Variants in ATG5 observed in about 807,000 individuals in gnomAD.
The protein encoded by ATG5 is autophagy related 5.
A neutral mutation model predicts 36.5 loss-of-function variants in ATG5; 14 were observed. That is an observed-to-expected ratio of 0.38 (90% CI 0.25 to 0.60). The LOEUF is 0.60. ATG5 is among the 20% of genes least tolerant of loss of function. ATG5 has a pLI of 0.60. For synonymous variants in ATG5, 95 were observed against 101.5 expected, an observed-to-expected ratio of 0.94 and a Z score of 0.38; for missense variants, 195 against 326.7, an observed-to-expected ratio of 0.60 and a Z score of 3.11.
chr6:106,277,839 TA>T (rs1198493111), intron 5 of ATG5, among the ~76,000 whole-genome samples: 2 of 152,138 alleles, frequency 1.3e-5, no homozygotes, highest in African/African-American at 4.8e-5. Flanking sequence ...AACACCACAA[TA>T]AATGTATACT....
In ATG5 at chr6:106,237,336, A is replaced by G. The variant is rs3827645; in HGVS notation, c.573+10814T>C. On this transcript the variant is annotated intron_variant, in intron 6 of 7. Transcript: ENST00000369076. ...TCATTAACTGAACCAAACTATGCCC[A>G]TGAAAGATCTCATATGCAACTGCTA... 1.2e-3 allele frequency among the ~76,000 whole-genome samples: 181 copies of G among 152,332 alleles called. 3 individuals carry two copies. In the East Asian group the frequency reaches 0.031, roughly 26 times the overall value.
At chr6:106,246,630 T>C (rs1233817486) in intron 6 of ATG5, among the ~76,000 whole-genome samples, 1 of 152,186 alleles carries the variant, frequency 6.6e-6, no homozygotes, top group African/African-American at 2.4e-5. Flanking sequence ...TTTAAAGAAG[T>C]TACAGTAAAG....
At chr6:106,188,227 G>A (rs73520696) in intron 7 of ATG5, among the ~76,000 whole-genome samples, 1,979 of 152,228 alleles carry the variant, frequency 0.013, 42 homozygotes, top group African/African-American at 0.043. Context: ...ATGATTCATT[G>A]CTTATAAGTT....
chr6:106,257,456 G>A (rs894083848), intron 5 of ATG5, among the ~76,000 whole-genome samples: 1 of 152,126 alleles, frequency 6.6e-6, no homozygotes, highest in African/African-American at 2.4e-5. Context: ...AGGGCTATCA[G>A]GTTACTAGGC....
At chr6:106,194,987 C>T (rs915474542) in intron 7 of ATG5, among the ~76,000 whole-genome samples, 6 of 152,240 alleles carry the variant, frequency 3.9e-5, no homozygotes, top group African/African-American at 9.6e-5. Flanking sequence ...ACAGCTGAAA[C>T]GACAAAAACA....
At chr6:106,241,791 T>C (rs1266625638) in intron 6 of ATG5, among the ~76,000 whole-genome samples, 1 of 152,176 alleles carries the variant, frequency 6.6e-6, no homozygotes, top group Non-Finnish European at 1.5e-5. Context: ...CAACTCTTCC[T>C]TGAGTCAACA....
chr6:106,201,558 G>A (rs989536703), intron 7 of ATG5, among the ~76,000 whole-genome samples: 47 of 151,960 alleles, frequency 3.1e-4, no homozygotes, highest in African/African-American at 1.1e-3. Flanking sequence ...GAAAGTAGTA[G>A]AAAATTCAAA....
At chr6:106,282,819 C>T (rs1028977798) in intron 4 of ATG5, among the ~76,000 whole-genome samples, 2 of 152,114 alleles carry the variant, frequency 1.3e-5, no homozygotes, top group African/African-American at 4.8e-5. Flanking sequence ...GAGGGTCTCA[C>T]TGTGCCACCC....
chr6:106,258,283 T>C (rs1294631822), intron 5 of ATG5, among the ~76,000 whole-genome samples: 1 of 151,768 alleles, frequency 6.6e-6, no homozygotes, highest in Non-Finnish European at 1.5e-5. Flanking sequence ...ATGGGAAGAC[T>C]GATTGCCTGA....
intron 5 of ATG5, among the ~76,000 whole-genome samples, chr6:106,264,221 G>T (rs1025222666): frequency 3.9e-5 from 6 of 152,022 alleles, no homozygotes; most frequent in African/African-American, 1.5e-4. Flanking sequence ...TAGCCAAACT[G>T]ATCAAGTGGA....
intron 4 of ATG5, among the ~76,000 whole-genome samples, chr6:106,287,305 C>T (rs1313192567): frequency 1.3e-5 from 2 of 152,186 alleles, no homozygotes; most frequent in Non-Finnish European, 2.9e-5. Context: ...GAAGCTTGCT[C>T]AGTCACACAA....
chr6:106,255,121 C>T (rs1040501055), intron 5 of ATG5, among the ~76,000 whole-genome samples: 6 of 152,202 alleles, frequency 3.9e-5, no homozygotes, highest in Non-Finnish European at 7.3e-5. Flanking sequence ...TATCATGTAA[C>T]GGTGGGAATA....
intron 3 of ATG5, among the ~76,000 whole-genome samples, chr6:106,302,635 GA>G (rs1770264775): frequency 6.6e-6 from 1 of 151,984 alleles, no homozygotes; most frequent in African/African-American, 2.4e-5. Flanking sequence ...GATGATGAGG[GA>G]ATCAAGAGTG....
intron 7 of ATG5, among the ~76,000 whole-genome samples, chr6:106,189,348 T>C (rs1198222069): frequency 1.3e-5 from 2 of 152,172 alleles, no homozygotes; most frequent in African/African-American, 4.8e-5. Flanking sequence ...CTCATGTCTG[T>C]AATCCCAGCA....
At chr6:106,285,349 G>C (rs1234308245) in intron 4 of ATG5, among the ~76,000 whole-genome samples, 1 of 152,042 alleles carries the variant, frequency 6.6e-6, no homozygotes, top group Non-Finnish European at 1.5e-5. Flanking sequence ...AGTTTCTATT[G>C]AGAGTAAAAT....
chr6:106,289,733 G>T (rs1351309405), intron 4 of ATG5, among the ~76,000 whole-genome samples: 2 of 151,866 alleles, frequency 1.3e-5, no homozygotes, highest in Non-Finnish European at 2.9e-5. Context: ...CACTAAAATT[G>T]TATTTCCACA....
chr6:106,227,237 A>C (rs1025408024), intron 6 of ATG5, among the ~76,000 whole-genome samples: 26 of 152,188 alleles, frequency 1.7e-4, no homozygotes, highest in African/African-American at 6.3e-4. Flanking sequence ...TTAATAACAA[A>C]TTTCTCATCA....
At chr6:106,288,074 G>A (rs914020749) in intron 4 of ATG5, among the ~76,000 whole-genome samples, 11 of 151,538 alleles carry the variant, frequency 7.3e-5, no homozygotes, top group East Asian at 1.9e-4. Context: ...AGGTTCAAGC[G>A]ATTCTCCTGC....
chr6:106,211,578 C>T (rs191934410), intron 6 of ATG5, among the ~76,000 whole-genome samples: 5 of 152,226 alleles, frequency 3.3e-5, no homozygotes, highest in Admixed American at 1.3e-4. Context: ...GGAGTGGTGG[C>T]GTGCATCTGT....
Sources: allele counts gnomAD v4.1 joint callset (sites outside exome capture counted in the v4.1 genomes callset), GRCh38; gene constraint gnomAD v4.1.1; transcripts MANE v1.5; gene names NCBI Gene and HGNC (gene_info 2026-07-23, HGNC 2026-07-21).